SPATA32: variants seen among roughly 807,000 people sequenced by gnomAD.
SPATA32 encodes spermatogenesis-associated protein 32.
Under a neutral mutation model 35.4 loss-of-function variants are expected in SPATA32, and 28 were observed. The ratio of observed to expected loss-of-function variants is 0.79; its 90% CI spans 0.59 to 1.09. The LOEUF (loss-of-function observed/expected upper bound fraction) is 1.09. Among genes scored for constraint, SPATA32 ranks in the 50% least tolerant of loss-of-function variants. The pLI is 0.00. For missense variants in SPATA32, 409 were observed against 475.9 expected, an observed-to-expected ratio of 0.86 and a Z score of 1.31; for synonymous variants, 168 against 196.3, an observed-to-expected ratio of 0.86 and a Z score of 1.20.
At chr17:45,260,555 C>CTA (rs1387792043) in intron 1 of SPATA32, 1 of 152,322 alleles carries the variant, frequency 6.6e-6, no homozygotes, top group Non-Finnish European at 1.5e-5. Flanking sequence ...CATACCTACC[C>CTA]TATGCCCAGT....
intron 1 of SPATA32, among the ~76,000 whole-genome samples, chr17:45,259,348 G>T (rs1482628326): frequency 1.3e-5 from 2 of 152,046 alleles, no homozygotes; most frequent in Non-Finnish European, 2.9e-5. Flanking sequence ...TTTTAATTAG[G>T]AATGGATGCT....
intron 1 of SPATA32, 151 bp from the exon 2 acceptor site, chr17:45,257,358 G>C (rs115263394): frequency 1.4e-5 from 12 of 866,688 alleles, no homozygotes; most frequent in Middle Eastern, 3.2e-4. Context: ...CCTTGTTCCC[G>C]AGCCGGTCGC....
At chr17:45,260,912 G>A (rs952082476) in intron 1 of SPATA32, 4 of 152,152 alleles carry the variant, frequency 2.6e-5, no homozygotes, top group African/African-American at 9.7e-5. Context: ...AGTACCGCAG[G>A]CCTTTCTGCA....
chr17:45,255,298 GTC>G lies in SPATA32; in HGVS notation c.882_883del (p.Glu294AspfsTer29). 6.2e-7 allele frequency: 1 copy of G among 1,614,240 alleles called. No individual in the cohort carries two copies. Among genetic ancestry groups the G allele is most frequent in the South Asian group, 1.1e-5 (1 of 91,092 alleles). On this transcript the variant is annotated frameshift_variant, in exon 4 of 5. Coordinates refer to ENST00000331780, the MANE Select transcript of SPATA32 (RefSeq NM_152343.3). LOFTEE classifies it high-confidence loss of function. The surrounding 1 kb of genome is among the most constrained non-coding windows in gnomAD (Gnocchi z 5.4). Reference sequence around the variant, plus strand: ...GGCTTCGCGTGGTTTCTCTGGCAGGGTCTCTGCGTGATTTTCTGGCTCTCGCT... The same window carrying G: ...GGCTTCGCGTGGTTTCTCTGGCAGGGTCTGCGTGATTTTCTGGCTCTCGCT...
At chr17:45,257,911 G>A (rs962716734) in intron 1 of SPATA32, among the ~76,000 whole-genome samples, 15 of 152,182 alleles carry the variant, frequency 9.9e-5, no homozygotes, top group African/African-American at 3.6e-4. Flanking sequence ...CCCCTCCCTG[G>A]AGGCTTGTAT....
At chr17:45,258,008 G>A (rs1224366784) in intron 1 of SPATA32, among the ~76,000 whole-genome samples, 2 of 152,214 alleles carry the variant, frequency 1.3e-5, no homozygotes, top group Non-Finnish European at 2.9e-5. Context: ...CCATGCATAG[G>A]GGTTGATGGT....
At position 45,255,197 on chromosome 17, in the gene SPATA32, TC is replaced by T; in HGVS notation, c.984del (p.Ile329SerfsTer42). 1 of 1,614,206 alleles carries T rather than the reference TC, an allele frequency of 6.2e-7. No homozygotes were observed. Among genetic ancestry groups the T allele is most frequent in the Non-Finnish European group, 8.5e-7 (1 of 1,180,042 alleles). On this transcript the variant is annotated frameshift_variant, in exon 4 of 5. Coordinates refer to ENST00000331780, the MANE Select transcript of SPATA32 (RefSeq NM_152343.3). LOFTEE classifies it high-confidence loss of function. The surrounding 1 kb of genome is among the most constrained non-coding windows in gnomAD (Gnocchi z 5.4). ...AQSYFDFSKP[G>X]IKRATIKGQI... Reference sequence around the variant, plus strand: ...TGCCCTTTGATGGTGGCCCTCTTGATCCCCGGCTTGCTGAAGTCAAAGTAAG... The same window carrying T: ...TGCCCTTTGATGGTGGCCCTCTTGATCCCGGCTTGCTGAAGTCAAAGTAAG...
chr17:45,262,087 C>G lies in SPATA32; in HGVS notation c.-71G>C. ...GCTGCCTCTCCGCCTCCAGTGTGCT[C>G]TTTGGCTGAGGGACTGGTGGGCGCT... On this transcript the variant is annotated 5_prime_UTR_variant, in exon 1 of 5. Transcript: ENST00000331780. The G allele has an allele frequency of 7.6e-7, 1 of 1,308,526 alleles. No homozygotes were observed. The allele number at this position is 1,308,526 out of a possible 1,614,324, so 81.1% of individuals were successfully genotyped here.
intron 1 of SPATA32, among the ~76,000 whole-genome samples, chr17:45,257,801 G>A (rs533567213): frequency 6.6e-6 from 1 of 152,320 alleles, no homozygotes; most frequent in South Asian, 2.1e-4. Context: ...CACCCCAGGT[G>A]TGTAATCTGA....
rs149127350 is a variant in SPATA32, at chr17:45,257,129, A to G, written c.68+24T>C. 424 of 1,611,006 alleles carry G rather than the reference A, an allele frequency of 2.6e-4. 1 individual carries two copies. The African/African-American group carries it at 5.2e-3, about 20-fold the overall frequency. ...TCCTGGAGGGCTCGGGGGAGGCCCT[A>G]CGTTGATTGAGGATGGTTCTCACCG... On this transcript the variant is annotated intron_variant, in intron 2 of 4. Coordinates refer to ENST00000331780, the MANE Select transcript of SPATA32 (RefSeq NM_152343.3).
intron 1 of SPATA32, 31 bp from the exon 2 acceptor site, chr17:45,257,238 G>T (rs1416363558): frequency 2.5e-6 from 4 of 1,593,132 alleles, no homozygotes; most frequent in Non-Finnish European, 3.4e-6. Flanking sequence ...AGGGCAGGGA[G>T]CTGCAGGGTA....
rs2043957151 is a variant in SPATA32, at chr17:45,256,347, TCCCCGTAAG to T, written c.108+20_108+28del. On this transcript the variant is annotated intron_variant, in intron 3 of 4. Coordinates refer to ENST00000331780, the MANE Select transcript of SPATA32 (RefSeq NM_152343.3). This position sits in a 1 kb window ranked among gnomAD's most constrained non-coding sequence, Gnocchi z 4.7. ...AGAGCCCTGCCGCTTGCCTACCACC[TCCCCGTAAG>T]AGGACACTCCCATTTTTACCTCCTG... The T allele has an allele frequency of 6.2e-7, 1 of 1,609,906 alleles. No individual in the cohort carries two copies. Among genetic ancestry groups the T allele is most frequent in the South Asian group, 1.1e-5 (1 of 90,996 alleles).
In SPATA32 at chr17:45,257,069, G is replaced by C. The variant is rs1241943219; in HGVS notation, c.68+84C>G. On this transcript the variant is annotated intron_variant, in intron 2 of 4. Coordinates refer to ENST00000331780, the MANE Select transcript of SPATA32 (RefSeq NM_152343.3). ...ATGGCAGAAGGGAGGGAGATCCTAGGCTGGGGGATCCTAGGCTGGGGGTGA... is the reference window on the plus strand; with the variant it reads ...ATGGCAGAAGGGAGGGAGATCCTAGCCTGGGGGATCCTAGGCTGGGGGTGA... The C allele has an allele frequency of 1.0e-5, 15 of 1,476,498 alleles. No homozygotes were observed. The East Asian group carries it at 3.5e-4, about 34-fold the overall frequency. 91.5% of individuals were successfully genotyped at this position (1,476,498 alleles called of 1,614,324 possible).
At chr17:45,254,538 A>C (rs2043937392) in intron 4 of SPATA32, 25 bp from the exon 5 acceptor site, 1 of 1,612,030 alleles carries the variant, frequency 6.2e-7, no homozygotes, top group Non-Finnish European at 8.5e-7. Flanking sequence ...AGAGAGTGTC[A>C]CTTGGGCCCC....
intron 1 of SPATA32, among the ~76,000 whole-genome samples, chr17:45,261,555 C>T (rs1417755801): frequency 6.6e-6 from 1 of 152,208 alleles, no homozygotes; most frequent in African/African-American, 2.4e-5. Context: ...AAGGCATCAA[C>T]GAAGCGCTCC....
intron 1 of SPATA32, among the ~76,000 whole-genome samples, 184 bp from the exon 2 acceptor site, chr17:45,257,391 T>C (rs2143726125): frequency 6.6e-6 from 1 of 152,000 alleles, no homozygotes; most frequent in African/African-American, 2.4e-5. Flanking sequence ...CCAGTCCTGC[T>C]CCCTCCACTC....
In SPATA32 at chr17:45,261,227, C is replaced by T. The variant is rs11574839; in HGVS notation, c.13+777G>A. ...CCTCCCAAGTAGCTGGGACTACAGG[C>T]TCATGCCGCCACACCTGTCTAATTT... On this transcript the variant is annotated intron_variant, in intron 1 of 4. Transcript: ENST00000331780. Among the ~76,000 whole-genome samples, 5 of 151,736 alleles carry T rather than the reference C, an allele frequency of 3.3e-5. No homozygotes were observed. In the East Asian group the frequency reaches 9.7e-4, roughly 30 times the overall value.
At chr17:45,257,345 T>C in intron 1 of SPATA32, 138 bp from the exon 2 acceptor site, 1 of 947,788 alleles carries the variant, frequency 1.1e-6, no homozygotes, top group Non-Finnish European at 1.6e-6. Context: ...CCTGCCCCGC[T>C]CTCCTTGTTC....
Position 45,255,915 on chromosome 17 carries a change from C to T in SPATA32, c.267G>A (p.Thr89=), listed in dbSNP as rs1399923921. 3.7e-6 allele frequency: 6 copies of T among 1,614,134 alleles called. No homozygotes were observed. The highest frequency in any genetic ancestry group is 1.1e-5 in the South Asian group (1 of 91,084). The part of the protein sequence containing the change: ...PALKLEAELD[T]EANSNEESDF... ...CAGACTCCTCGTTCGAGTTGGCTTC[C>T]GTGTCCAGCTCAGCTTCAAGCTTGA... The change falls in exon 4 of 5, where the codon ACG becomes ACA. Residue 89 remains threonine (T), a synonymous_variant. Transcript: ENST00000331780. This position sits in a 1 kb window ranked among gnomAD's most constrained non-coding sequence, Gnocchi z 5.4.
Sources: allele counts gnomAD v4.1 joint callset (sites outside exome capture counted in the v4.1 genomes callset), GRCh38; gene constraint gnomAD v4.1.1; non-coding constraint Gnocchi (gnomAD v3.1); transcripts MANE v1.5; gene names NCBI Gene and HGNC (gene_info 2026-07-23, HGNC 2026-07-21).